Variants in RCOR1 observed in about 807,000 individuals in gnomAD.
The protein encoded by RCOR1 is REST corepressor 1, also known as REST corepressor.
RCOR1 carries 12 observed loss-of-function variants against 64.0 expected under a neutral mutation model. The ratio of observed to expected loss-of-function variants is 0.19; its 90% CI spans 0.12 to 0.30. RCOR1 has a LOEUF of 0.30. Ranked by LOEUF, RCOR1 falls within the 10% of genes least tolerant of loss-of-function variation. RCOR1 has a pLI of 1.00. For missense variants in RCOR1, 502 were observed against 621.2 expected (o/e 0.81, Z 2.04); for synonymous variants, 279 against 227.2 (o/e 1.23, Z -2.05).
chr14:102,696,314 C>T (rs1411717131), intron 3 of RCOR1, among the ~76,000 whole-genome samples: 1 of 152,114 alleles, frequency 6.6e-6, no homozygotes. Context: ...TATAAATTTT[C>T]TTGAAGAATG....
In RCOR1 at chr14:102,640,738, A is replaced by G. The variant is rs78627395; in HGVS notation, c.362-41157A>G. Among the ~76,000 whole-genome samples the G allele has an allele frequency of 6.0e-3, 912 of 150,902 alleles. 9 individuals are homozygous for G. The highest frequency in any genetic ancestry group is 0.021 in the African/African-American group (878 of 41,016). ...GCCTGTAATTCCAGCATTTTGGGAG[A>G]CTGAGGTAGGAGGGACACTTGAGCC... On this transcript the variant is annotated intron_variant, in intron 2 of 11. Coordinates refer to ENST00000262241, the MANE Select transcript of RCOR1 (RefSeq NM_015156.4).
At chr14:102,667,298 C>T (rs1169778522) in intron 2 of RCOR1, among the ~76,000 whole-genome samples, 5 of 152,014 alleles carry the variant, frequency 3.3e-5, no homozygotes, top group African/African-American at 9.7e-5. Flanking sequence ...GTCAGGAGTT[C>T]GAGACCAGCC....
At chr14:102,685,536 G>T (rs1053057181) in intron 3 of RCOR1, among the ~76,000 whole-genome samples, 17 of 150,288 alleles carry the variant, frequency 1.1e-4, no homozygotes, top group African/African-American at 4.2e-4. Flanking sequence ...AGGCTGGAGT[G>T]CAGTTGTGCG....
intron 2 of RCOR1, among the ~76,000 whole-genome samples, chr14:102,679,491 T>C (rs1027374964): frequency 2.0e-5 from 3 of 151,854 alleles, no homozygotes; most frequent in Non-Finnish European, 4.4e-5. Context: ...TTTCTTTTTT[T>C]TTTTTGAGAC....
At chr14:102,641,823 A>G (rs1053937915) in intron 2 of RCOR1, among the ~76,000 whole-genome samples, 2 of 152,174 alleles carry the variant, frequency 1.3e-5, no homozygotes, top group Non-Finnish European at 2.9e-5. Flanking sequence ...TGTATCTAGC[A>G]TAGTTTCTTT....
At chr14:102,594,665 T>C (rs1235468246) in intron 2 of RCOR1, among the ~76,000 whole-genome samples, 1 of 151,684 alleles carries the variant, frequency 6.6e-6, no homozygotes, top group East Asian at 1.9e-4. Context: ...CCCAATTCTT[T>C]TTTTTTTTTT....
chr14:102,618,118 C>T lies in RCOR1; in HGVS notation c.361+24793C>T, dbSNP rs181055973. Reference sequence around the variant, plus strand: ...CCTCCTGAGTAGCTGGGATTACAGGCGTGCCCCACCACGTCTGGCTAATTT... The same window carrying T: ...CCTCCTGAGTAGCTGGGATTACAGGTGTGCCCCACCACGTCTGGCTAATTT... On this transcript the variant is annotated intron_variant, in intron 2 of 11. Transcript: ENST00000262241. Among the ~76,000 whole-genome samples the T allele has an allele frequency of 4.6e-4, 69 of 151,642 alleles. 1 individual carries two copies. The East Asian group carries it at 0.011, about 24-fold the overall frequency.
At chr14:102,620,963 C>A (rs750628928) in intron 2 of RCOR1, among the ~76,000 whole-genome samples, 3 of 152,106 alleles carry the variant, frequency 2.0e-5, no homozygotes, top group Non-Finnish European at 2.9e-5. Flanking sequence ...GATGTCACAA[C>A]TAAAAAAAAT....
At chr14:102,685,014 AG>A (rs1000887737) in intron 3 of RCOR1, among the ~76,000 whole-genome samples, 11 of 152,090 alleles carry the variant, frequency 7.2e-5, no homozygotes, top group African/African-American at 2.7e-4. Context: ...TATTTCTAGC[AG>A]ATACTAAAAA....
At chr14:102,701,980 A>C (rs183433812) in intron 4 of RCOR1, among the ~76,000 whole-genome samples, 1 of 152,344 alleles carries the variant, frequency 6.6e-6, no homozygotes, top group East Asian at 1.9e-4. Context: ...ATTTTCTTTT[A>C]AATATTGTTT....
chr14:102,653,955 C>CT (rs1894653963), intron 2 of RCOR1, among the ~76,000 whole-genome samples: 1 of 48,014 alleles, frequency 2.1e-5, no homozygotes, highest in African/African-American at 1.7e-4. Context: ...TTCTTTCTTT[C>CT]TTTCTTTCTT....
At chr14:102,630,016 T>A (rs1894076418) in intron 2 of RCOR1, 1 of 972,048 alleles carries the variant, frequency 1.0e-6, no homozygotes, top group Non-Finnish European at 1.2e-6. Flanking sequence ...TGGGGAGTCT[T>A]GGGCAGATTA....
chr14:102,645,593 C>T (rs180845872), intron 2 of RCOR1, among the ~76,000 whole-genome samples: 1 of 152,214 alleles, frequency 6.6e-6, no homozygotes, highest in African/African-American at 2.4e-5. Context: ...GCAATTTCCA[C>T]CTGCCACCCA....
intron 3 of RCOR1, among the ~76,000 whole-genome samples, chr14:102,692,910 C>T (rs2139971154): frequency 6.6e-6 from 1 of 151,950 alleles, no homozygotes; most frequent in African/African-American, 2.4e-5. Flanking sequence ...GAATTACAGG[C>T]ATGTACCACC....
At chr14:102,605,984 G>A (rs1322813720) in intron 2 of RCOR1, among the ~76,000 whole-genome samples, 1 of 152,172 alleles carries the variant, frequency 6.6e-6, no homozygotes, top group Non-Finnish European at 1.5e-5. Flanking sequence ...GGAGTCCAGT[G>A]GCATGATCTC....
intron 2 of RCOR1, among the ~76,000 whole-genome samples, chr14:102,675,954 T>C (rs1316860002): frequency 2.6e-5 from 4 of 152,196 alleles, no homozygotes; most frequent in Non-Finnish European, 5.9e-5. Context: ...TTTTTGTTGC[T>C]GTGTACTGTT....
intron 2 of RCOR1, among the ~76,000 whole-genome samples, chr14:102,607,217 G>A (rs952398204): frequency 6.6e-6 from 1 of 152,158 alleles, no homozygotes; most frequent in African/African-American, 2.4e-5. Flanking sequence ...ATAGGCGTGA[G>A]CCACCGCGCC....
chr14:102,641,877 A>G (rs1894376962), intron 2 of RCOR1, among the ~76,000 whole-genome samples: 1 of 152,206 alleles, frequency 6.6e-6, no homozygotes, highest in Non-Finnish European at 1.5e-5. Flanking sequence ...GGCTGGTTTT[A>G]CAAAGATGAT....
At chr14:102,622,795 C>G (rs775471462) in intron 2 of RCOR1, among the ~76,000 whole-genome samples, 1 of 152,098 alleles carries the variant, frequency 6.6e-6, no homozygotes, top group South Asian at 2.1e-4. Context: ...GTTGCCATTT[C>G]TTTACTTTTC....
Sources: allele counts gnomAD v4.1 joint callset (sites outside exome capture counted in the v4.1 genomes callset), GRCh38; gene constraint gnomAD v4.1.1; transcripts MANE v1.5; gene names NCBI Gene and HGNC (gene_info 2026-07-23, HGNC 2026-07-21).